Variants in MAP3K2 observed in about 807,000 individuals in gnomAD.
The protein encoded by MAP3K2 is MAP/ERK kinase kinase 2.
Under a neutral mutation model 80.3 loss-of-function variants are expected in MAP3K2, and 24 were observed. That is an observed-to-expected ratio of 0.30 (90% CI 0.22 to 0.42). The LOEUF is 0.42. MAP3K2 is among the 10% of genes least tolerant of loss of function. MAP3K2 has a pLI of 1.00. For missense variants in MAP3K2, 608 were observed against 750.1 expected (o/e 0.81, Z 2.21); for synonymous variants, 244 against 253.7 (o/e 0.96, Z 0.36).
chr2:127,312,597 G>A (rs1315490610), intron 15 of MAP3K2, among the ~76,000 whole-genome samples: 1 of 152,070 alleles, frequency 6.6e-6, no homozygotes, highest in East Asian at 1.9e-4. Flanking sequence ...AGAGGTTGAG[G>A]CTTCAGTGAG....
At chr2:127,356,556 T>G (rs1314303621) in intron 1 of MAP3K2, among the ~76,000 whole-genome samples, 1 of 152,262 alleles carries the variant, frequency 6.6e-6, no homozygotes, top group African/African-American at 2.4e-5. Flanking sequence ...TGTATCACTG[T>G]TGCTCAGGCT....
At chr2:127,341,530 G>GTTTTTTTTTTTT (rs1341901292) in intron 2 of MAP3K2, among the ~76,000 whole-genome samples, 1 of 91,160 alleles carries the variant, frequency 1.1e-5, no homozygotes, top group Non-Finnish European at 2.0e-5. Flanking sequence ...TTTTTTTGTT[G>GTTTTTTTTTTTT]TTTTTTTTTT....
chr2:127,315,519 A>G (rs1048186938), intron 14 of MAP3K2, among the ~76,000 whole-genome samples: 4 of 152,272 alleles, frequency 2.6e-5, no homozygotes, highest in East Asian at 3.9e-4. Context: ...GCATTTTGCA[A>G]TTCTGTGGAC....
chr2:127,334,478 T>C (rs1416069709), intron 5 of MAP3K2, among the ~76,000 whole-genome samples: 1 of 152,236 alleles, frequency 6.6e-6, no homozygotes, highest in Non-Finnish European at 1.5e-5. Context: ...TCACACAGGC[T>C]GGAGTGCAGT....
intron 12 of MAP3K2, 67 bp from the exon 13 acceptor site, chr2:127,318,384 T>A: frequency 8.1e-7 from 1 of 1,238,994 alleles, no homozygotes; most frequent in Non-Finnish European, 1.1e-6. Flanking sequence ...AATAACTAAA[T>A]GAGCATACTG....
intron 1 of MAP3K2, among the ~76,000 whole-genome samples, chr2:127,380,178 T>C (rs1038627466): frequency 1.3e-5 from 2 of 152,064 alleles, no homozygotes; most frequent in African/African-American, 2.4e-5. Context: ...GGTACTGGAG[T>C]ACCAAACAAC....
At chr2:127,311,049 G>A (rs562271155) in intron 15 of MAP3K2, among the ~76,000 whole-genome samples, 9 of 152,230 alleles carry the variant, frequency 5.9e-5, no homozygotes, top group African/African-American at 2.2e-4. Context: ...ACAGACTGGA[G>A]AGGATAAAGA....
At chr2:127,386,950 G>T (rs1209806083) in intron 1 of MAP3K2, among the ~76,000 whole-genome samples, 1 of 152,244 alleles carries the variant, frequency 6.6e-6, no homozygotes, top group South Asian at 2.1e-4. Context: ...CCTGCAAAAT[G>T]GGGCAATTTA....
intron 1 of MAP3K2, among the ~76,000 whole-genome samples, chr2:127,378,972 T>G (rs945693603): frequency 3.1e-5 from 4 of 127,242 alleles, no homozygotes; most frequent in South Asian, 2.5e-4. Context: ...TTTTGTGGGG[T>G]TTTTTGTTGT....
At chr2:127,374,581 C>G (rs1457057335) in intron 1 of MAP3K2, among the ~76,000 whole-genome samples, 1 of 152,206 alleles carries the variant, frequency 6.6e-6, no homozygotes, top group Non-Finnish European at 1.5e-5. Context: ...CCCTAGAGGA[C>G]TAGAACCTAA....
rs968558891 is a variant in MAP3K2, at chr2:127,302,414, C to G, written c.*5165G>C. On this transcript the variant is annotated 3_prime_UTR_variant, in exon 17 of 17. Coordinates refer to ENST00000682094, the MANE Select transcript of MAP3K2 (RefSeq NM_001371910.2). ...GAACACTCATACCTTTCCCCTTCTTCCTTCCCATCCCTGCCTCCAACTCTA... is the reference window on the plus strand; with the variant it reads ...GAACACTCATACCTTTCCCCTTCTTGCTTCCCATCCCTGCCTCCAACTCTA... 1 of 149,104 alleles carries G rather than the reference C, an allele frequency of 6.7e-6. No homozygotes were observed. Among genetic ancestry groups the G allele is most frequent in the African/African-American group, 2.5e-5 (1 of 40,034 alleles). 9.2% of individuals were successfully genotyped at this position (149,104 alleles called of 1,614,324 possible). A position where few individuals can be genotyped will look rare whatever the true frequency, so the allele number is the denominator to read the frequency against.
chr2:127,379,544 T>C (rs1335719510), intron 1 of MAP3K2, among the ~76,000 whole-genome samples: 2 of 152,216 alleles, frequency 1.3e-5, no homozygotes, highest in East Asian at 1.9e-4. Context: ...CAATACACAT[T>C]ATAAGCACAG....
Position 127,369,013 on chromosome 2 carries a change from T to C in MAP3K2, c.-66+18439A>G, listed in dbSNP as rs529138619. Among the ~76,000 whole-genome samples, 353 of 152,080 alleles carry C rather than the reference T, an allele frequency of 2.3e-3. 1 individual carries two copies. Among genetic ancestry groups the C allele is most frequent in the African/African-American group, 7.7e-3 (320 of 41,516 alleles). ...CCCAGGTTGGAGTGCAGTGGCGGGA[T>C]CTCGGCTCACTGCAACCTCCGACTC... On this transcript the variant is annotated intron_variant, in intron 1 of 16. Transcript: ENST00000682094.
chr2:127,336,277 G>A (rs79170982), intron 4 of MAP3K2, among the ~76,000 whole-genome samples: 1,817 of 152,222 alleles, frequency 0.012, 37 homozygotes, highest in African/African-American at 0.042. Flanking sequence ...GTTTATTCAG[G>A]AAACTGATTA....
chr2:127,387,890 C>T lies in MAP3K2; in HGVS notation c.-504G>A. 2.0e-6 allele frequency: 2 copies of T among 982,158 alleles called. No individual in the cohort carries two copies. Among genetic ancestry groups the T allele is most frequent in the Non-Finnish European group, 2.4e-6 (2 of 827,164 alleles). 60.8% of individuals were successfully genotyped at this position (982,158 alleles called of 1,614,324 possible). On this transcript the variant is annotated 5_prime_UTR_variant, in exon 1 of 17. Coordinates refer to ENST00000682094, the MANE Select transcript of MAP3K2 (RefSeq NM_001371910.2). ...CGCCGCGGGCCGTGCAACCCCCGAACGCTGCGCCCAGCGGCCGCGGCACCC... is the reference window on the plus strand; with the variant it reads ...CGCCGCGGGCCGTGCAACCCCCGAATGCTGCGCCCAGCGGCCGCGGCACCC...
rs1029265649 is a variant in MAP3K2 at position 127,343,151 on chromosome 2, T to C, written c.-22A>G. The C allele has an allele frequency of 1.7e-5, 26 of 1,550,828 alleles. No individual in the cohort carries two copies. Among genetic ancestry groups the C allele is most frequent in the African/African-American group, 6.8e-5 (5 of 73,242 alleles). ...CCATTATGGCAAACAGCTCAACAAT[T>C]TGAAAATTAGGAAAATGGTTCTCCC... On this transcript the variant is annotated 5_prime_UTR_variant, in exon 2 of 17. Coordinates refer to ENST00000682094, the MANE Select transcript of MAP3K2 (RefSeq NM_001371910.2).
intron 4 of MAP3K2, 41 bp downstream of exon 4, chr2:127,337,697 G>C (rs771031172): frequency 5.1e-6 from 6 of 1,170,118 alleles, no homozygotes; most frequent in African/African-American, 4.7e-5. Context: ...ATACACATTT[G>C]ATTAAATCAA....
At chr2:127,320,294 C>T (rs764016774) in intron 12 of MAP3K2, among the ~76,000 whole-genome samples, 5 of 152,130 alleles carry the variant, frequency 3.3e-5, no homozygotes, top group Non-Finnish European at 5.9e-5. Flanking sequence ...ATGGAAACTA[C>T]AGGAATGAGT....
At chr2:127,368,752 T>C (rs1005625369) in intron 1 of MAP3K2, among the ~76,000 whole-genome samples, 5 of 152,164 alleles carry the variant, frequency 3.3e-5, no homozygotes, top group Non-Finnish European at 7.3e-5. Context: ...TGTAAATAGT[T>C]GTTATAAGTT....
Sources: allele counts gnomAD v4.1 joint callset (sites outside exome capture counted in the v4.1 genomes callset), GRCh38; gene constraint gnomAD v4.1.1; transcripts MANE v1.5; gene names NCBI Gene and HGNC (gene_info 2026-07-23, HGNC 2026-07-21).